Variants in CAST observed in about 807,000 individuals in gnomAD.
CAST encodes MIR583 host.
CAST carries 76 observed loss-of-function variants against 119.6 expected under a neutral mutation model. The observed-to-expected ratio is 0.64, with a 90% confidence interval of 0.53 to 0.77. The LOEUF (loss-of-function observed/expected upper bound fraction) is 0.77, where lower values mean the gene tolerates loss of function less well. Among genes scored for constraint, CAST ranks in the 30% least tolerant of loss-of-function variants. The pLI is 0.00. For synonymous variants in CAST, 319 were observed against 331.6 expected (o/e 0.96, Z 0.41); for missense variants, 953 against 946.5 (o/e 1.01, Z -0.09).
rs115426639 is a variant in CAST, at chr5:96,573,683, G to A, written c.60+43803G>A. On this transcript the variant is annotated intron_variant, in intron 1 of 11. Coordinates refer to the CAST transcript ENST00000505143. ...ACAGATCATAAATGCACAGTTTGGT[G>A]AATGCTGACATAGGCATATCCATAT... 2.4e-3 allele frequency among the ~76,000 whole-genome samples: 366 copies of A among 152,082 alleles called. 3 individuals carry two copies. Among genetic ancestry groups the A allele is most frequent in the African/African-American group, 8.4e-3 (347 of 41,496 alleles).
chr5:96,424,388 A>G, the CAST span, among the ~76,000 whole-genome samples: 10 of 152,318 alleles, frequency 6.6e-5, no homozygotes, highest in Admixed American at 2.0e-4. Context: ...TGTCAGTTGC[A>G]GGAACAATTT....
the CAST span, among the ~76,000 whole-genome samples, chr5:96,014,842 A>T: frequency 6.6e-6 from 1 of 152,176 alleles, no homozygotes; most frequent in South Asian, 2.1e-4. Context: ...AGGTGTTCTA[A>T]CAGCCTTTTC....
chr5:96,725,414 G>A (rs1027473359), intron 4 of CAST, among the ~76,000 whole-genome samples: 8 of 152,140 alleles, frequency 5.3e-5, no homozygotes, highest in Non-Finnish European at 1.0e-4. Context: ...AGTGCAGTGC[G>A]ATGACTAGAA....
chr5:96,730,963 A>G (rs890705854), intron 9 of CAST, 103 bp downstream of exon 9: 1 of 816,848 alleles, frequency 1.2e-6, no homozygotes, highest in Non-Finnish European at 2.1e-6. Flanking sequence ...AAAACTGAAC[A>G]CTGCTTATAT....
chr5:96,581,875 A>G (rs536178029), intron 1 of CAST, among the ~76,000 whole-genome samples: 27 of 148,140 alleles, frequency 1.8e-4, no homozygotes, highest in Non-Finnish European at 3.4e-4. Flanking sequence ...TGGGCGACAG[A>G]GCGAAACTCT....
intron 1 of CAST, among the ~76,000 whole-genome samples, chr5:96,562,708 T>C (rs1746402884): frequency 1.3e-5 from 2 of 152,326 alleles, no homozygotes; most frequent in South Asian, 2.1e-4. Context: ...TTGTTTGTGA[T>C]AGCAAAACAT....
intron 2 of CAST, among the ~76,000 whole-genome samples, chr5:96,690,776 A>G (rs1752637695): frequency 6.6e-6 from 1 of 152,252 alleles, no homozygotes; most frequent in Non-Finnish European, 1.5e-5. Flanking sequence ...ATCTGTCTAC[A>G]CTTTTGAAAG....
At chr5:96,730,045 T>A (rs1760131799) in intron 8 of CAST, among the ~76,000 whole-genome samples, 1 of 150,652 alleles carries the variant, frequency 6.6e-6, no homozygotes, top group Non-Finnish European at 1.5e-5. Flanking sequence ...GGATTGAGGC[T>A]GCCTCCTGGA....
At chr5:96,722,290 A>G (rs1307703243) in intron 3 of CAST, among the ~76,000 whole-genome samples, 2 of 152,228 alleles carry the variant, frequency 1.3e-5, no homozygotes, top group East Asian at 1.9e-4. Flanking sequence ...AGTAATTATA[A>G]TAATATTTAC....
chr5:96,441,207 G>A, the CAST span, among the ~76,000 whole-genome samples: 2 of 152,188 alleles, frequency 1.3e-5, no homozygotes, highest in Non-Finnish European at 2.9e-5. Context: ...AAATTCTGGA[G>A]TAGGGAGGCA....
intron 16 of CAST, among the ~76,000 whole-genome samples, chr5:96,745,564 T>A (rs1027559058): frequency 6.6e-6 from 1 of 152,204 alleles, no homozygotes; most frequent in Non-Finnish European, 1.5e-5. Context: ...CTACCTTGGT[T>A]AGTAAATTAA....
chr5:96,383,681 C>T, the CAST span, among the ~76,000 whole-genome samples: 6 of 152,138 alleles, frequency 3.9e-5, no homozygotes, highest in African/African-American at 1.2e-4. Flanking sequence ...CTCCTGACCT[C>T]GTGATCTGCC....
At chr5:96,047,394 T>G in the CAST span, among the ~76,000 whole-genome samples, 1 of 152,184 alleles carries the variant, frequency 6.6e-6, no homozygotes, top group African/African-American at 2.4e-5. Flanking sequence ...GAAGTGTTTG[T>G]TTTTAAACAA....
the CAST span, among the ~76,000 whole-genome samples, chr5:96,241,116 G>A: frequency 6.6e-6 from 1 of 151,592 alleles, no homozygotes; most frequent in African/African-American, 2.4e-5. Context: ...CAATGTGCAG[G>A]TTAGTTACAT....
At chr5:96,718,042 A>C (rs1757498967) in intron 3 of CAST, among the ~76,000 whole-genome samples, 1 of 152,276 alleles carries the variant, frequency 6.6e-6, no homozygotes, top group East Asian at 1.9e-4. Context: ...AGAAGGATGT[A>C]ATGGTGATAA....
chr5:96,398,264 A>C, the CAST span, among the ~76,000 whole-genome samples: 1 of 152,178 alleles, frequency 6.6e-6, no homozygotes, highest in Non-Finnish European at 1.5e-5. Flanking sequence ...ACAGAAACCA[A>C]ATTTAGTCAG....
chr5:96,073,293 A>G, the CAST span, among the ~76,000 whole-genome samples: 11 of 152,346 alleles, frequency 7.2e-5, 1 homozygote, highest in African/African-American at 2.6e-4. Context: ...GGTGACTGAC[A>G]TGTATTGAGC....
At chr5:96,534,836 A>G (rs1561409123) in intron 1 of CAST, among the ~76,000 whole-genome samples, 13 of 141,228 alleles carry the variant, frequency 9.2e-5, no homozygotes, top group Middle Eastern at 3.6e-3. Context: ...AAAGAAGGAA[A>G]GAAGGAAGGA....
intron 16 of CAST, among the ~76,000 whole-genome samples, chr5:96,744,948 G>C (rs968533109): frequency 9.2e-5 from 14 of 152,192 alleles, no homozygotes; most frequent in Non-Finnish European, 1.8e-4. Context: ...GCCTAGTCTA[G>C]TGCCATTTCA....
Sources: allele counts gnomAD v4.1 joint callset (sites outside exome capture counted in the v4.1 genomes callset), GRCh38; gene constraint gnomAD v4.1.1; transcripts MANE v1.5; gene names NCBI Gene and HGNC (gene_info 2026-07-23, HGNC 2026-07-21).